The following RCC1L variants were observed in gnomAD, a reference collection of about 807,000 sequenced individuals.
RCC1L encodes the protein RCC1 like.
RCC1L carries 46 observed loss-of-function variants against 58.6 expected under a neutral mutation model. The observed-to-expected ratio is 0.79, with a 90% CI of 0.62 to 1.00. The LOEUF is 1.00. Ranked by LOEUF, RCC1L falls within the 50% of genes least tolerant of loss-of-function variation. The probability of loss-of-function intolerance (pLI) is 0.00; values close to 1 mark genes in which losing one functional copy is unlikely to be tolerated. For synonymous variants in RCC1L, 281 were observed against 262.9 expected, an observed-to-expected ratio of 1.07 and a Z score of -0.67; for missense variants, 636 against 623.6, an observed-to-expected ratio of 1.02 and a Z score of -0.21.
intron 1 of RCC1L, among the ~76,000 whole-genome samples, chr7:75,073,176 T>G (rs1477822881): frequency 1.3e-5 from 2 of 152,106 alleles, no homozygotes; most frequent in Admixed American, 1.3e-4. Flanking sequence ...AACTGTCGAC[T>G]CACTGGGTGC....
At chr7:75,029,490 C>T (rs1805239126) in intron 10 of RCC1L, among the ~76,000 whole-genome samples, 1 of 151,698 alleles carries the variant, frequency 6.6e-6, no homozygotes, top group African/African-American at 2.4e-5. Context: ...ATTACAGGCA[C>T]CCACCACCAC....
At chr7:75,040,316 C>T (rs933855103), downstream of RCC1L, among the ~76,000 whole-genome samples, 5 of 152,202 alleles carry the variant, frequency 3.3e-5, no homozygotes, top group East Asian at 5.8e-4. Context: ...AAAAATTAGC[C>T]GGGCGTGGTA....
intron 10 of RCC1L, among the ~76,000 whole-genome samples, chr7:75,034,996 TG>T (rs1805406119): frequency 1.3e-5 from 2 of 152,108 alleles, no homozygotes; most frequent in Non-Finnish European, 2.9e-5. Context: ...TGATGACTAC[TG>T]GGCACCAAGA....
chr7:75,027,914 G>A, exon 11 of RCC1L: 1 of 1,137,708 alleles, frequency 8.8e-7, no homozygotes, highest in Non-Finnish European at 1.3e-6. Flanking sequence ...GGTCTGCTGG[G>A]TGGGAGGGTC....
chr7:75,043,612 T>A (rs1006176780), intron 10 of RCC1L, among the ~76,000 whole-genome samples: 28 of 152,046 alleles, frequency 1.8e-4, no homozygotes, highest in Non-Finnish European at 3.4e-4. Context: ...GCCCATAATC[T>A]CAGCACTTTG....
At chr7:75,046,884 G>A (rs987676373) in intron 10 of RCC1L, among the ~76,000 whole-genome samples, 55 of 152,278 alleles carry the variant, frequency 3.6e-4, no homozygotes, top group Non-Finnish European at 6.3e-4. Context: ...TGAGTCCTTC[G>A]TGGGGACAAG....
chr7:75,061,355 A>G (rs1806273429), intron 5 of RCC1L, 64 bp from the exon 6 acceptor site: 2 of 1,441,466 alleles, frequency 1.4e-6, no homozygotes, highest in Non-Finnish European at 2.0e-6. Context: ...GTCCTCATCC[A>G]AAGAAGGACC....
chr7:75,043,536 G>T (rs1203325878), intron 10 of RCC1L, among the ~76,000 whole-genome samples: 10 of 152,218 alleles, frequency 6.6e-5, no homozygotes, highest in Non-Finnish European at 1.2e-4. Flanking sequence ...GGTGTTCAGA[G>T]ATCTCTCCTG....
chr7:75,036,620 G>C (rs1334538457), intron 10 of RCC1L, among the ~76,000 whole-genome samples: 3 of 152,030 alleles, frequency 2.0e-5, no homozygotes, highest in African/African-American at 4.8e-5. Flanking sequence ...GGGGCCAGGT[G>C]CGGTAGCTCA....
At chr7:75,050,390 G>C (rs1211426409) in intron 10 of RCC1L, among the ~76,000 whole-genome samples, 1 of 152,212 alleles carries the variant, frequency 6.6e-6, no homozygotes, top group Non-Finnish European at 1.5e-5. Context: ...CAACGGGATC[G>C]GGCTCCGGCC....
chr7:75,070,559 G>GA, intron 2 of RCC1L, 81 bp downstream of exon 2: 1 of 1,555,546 alleles, frequency 6.4e-7, no homozygotes. Context: ...AACAGACTGA[G>GA]ACTCTGTCTC....
chr7:75,058,483 G>A (rs1317230740), intron 7 of RCC1L, 105 bp downstream of exon 7: 126 of 1,438,170 alleles, frequency 8.8e-5, no homozygotes, highest in Admixed American at 3.4e-4. Flanking sequence ...TGCCTGTCTC[G>A]GCCTTCCAAA....
At chr7:75,027,144 C>T (rs1805157875) in exon 11 of RCC1L, 1 of 152,200 alleles carries the variant, frequency 6.6e-6, no homozygotes. Context: ...ATTTTTAATT[C>T]AAGTATATAG....
intron 3 of RCC1L, among the ~76,000 whole-genome samples, chr7:75,065,799 C>T (rs192956380): frequency 2.0e-5 from 3 of 151,912 alleles, no homozygotes; most frequent in Non-Finnish European, 4.4e-5. Context: ...GGGCGGATCA[C>T]CTGAGGTCAG....
chr7:75,071,167 A>G (rs999160662), intron 1 of RCC1L, among the ~76,000 whole-genome samples: 10 of 152,164 alleles, frequency 6.6e-5, no homozygotes, highest in Admixed American at 2.6e-4. Context: ...AAGAACACAT[A>G]TTATTAAGAC....
chr7:75,072,053 G>A (rs587621708), intron 1 of RCC1L, among the ~76,000 whole-genome samples: 64 of 145,892 alleles, frequency 4.4e-4, no homozygotes, highest in African/African-American at 1.0e-3. Context: ...CCATGATCAC[G>A]CCACTGTACT....
chr7:75,058,566 C>T lies in RCC1L; in HGVS notation c.969+22G>A, dbSNP rs942699834. The T allele has an allele frequency of 1.1e-3, 1,720 of 1,575,420 alleles. 2 individuals carry two copies. Among genetic ancestry groups the T allele is most frequent in the Middle Eastern group, 1.8e-3 (11 of 6,010 alleles). On this transcript the variant is annotated intron_variant, in intron 7 of 10. Transcript: ENST00000610322. ...TTAATGTTTCCAAACCTCCCAGCAC[C>T]ACGCTGTCGGCGACTGCATACCTGT...
At chr7:75,033,400 TAAG>T (rs1237297827) in intron 10 of RCC1L, among the ~76,000 whole-genome samples, 11 of 151,754 alleles carry the variant, frequency 7.2e-5, no homozygotes, top group Admixed American at 1.3e-4. Context: ...TAGTGGTAAT[TAAG>T]AAGTGGGGTG....
At position 75,056,027 on chromosome 7, in the gene RCC1L, G is replaced by C; in HGVS notation, c.1105C>G (p.Pro369Ala). The C allele has an allele frequency of 6.2e-7, 1 of 1,613,910 alleles. No homozygotes were observed. The highest frequency in any genetic ancestry group is 8.5e-7 in the Non-Finnish European group (1 of 1,179,854). ...VWGYGILGKGPNLVESAVPEM... is the reference protein window; with the variant it reads ...VWGYGILGKGANLVESAVPEM... ...GGGACGGCACTTTCCACTAGGTTTG[G>C]ACCTTTCCCAAGAATTCCATAGCCC... The change falls in exon 9 of 11, where the codon CCA becomes GCA. Residue 369 changes from proline (P) to alanine (A), a missense_variant. Transcript: ENST00000610322.
Sources: allele counts gnomAD v4.1 joint callset (sites outside exome capture counted in the v4.1 genomes callset), GRCh38; gene constraint gnomAD v4.1.1; transcripts MANE v1.5; gene names NCBI Gene and HGNC (gene_info 2026-07-23, HGNC 2026-07-21).